Variants in EPHA6 observed in about 807,000 individuals in gnomAD.
The protein encoded by EPHA6 is EPH receptor A6.
A neutral mutation model predicts 112.0 loss-of-function variants in EPHA6; 50 were observed. That is an observed-to-expected ratio of 0.45 (90% confidence interval 0.36 to 0.56). The LOEUF (loss-of-function observed/expected upper bound fraction) is 0.56. Ranked by LOEUF, EPHA6 falls within the 20% of genes least tolerant of loss-of-function variation. The probability of loss-of-function intolerance (pLI) is 0.00; values close to 1 mark genes in which losing one functional copy is unlikely to be tolerated. For synonymous variants in EPHA6, 529 were observed against 490.7 expected (o/e 1.08, Z -1.03); for missense variants, 1,280 against 1,417.4 (o/e 0.90, Z 1.56).
chr3:97,618,814 G>A (rs1221368891), intron 13 of EPHA6, among the ~76,000 whole-genome samples: 1 of 151,998 alleles, frequency 6.6e-6, no homozygotes, highest in Non-Finnish European at 1.5e-5. Context: ...TGGATTCACA[G>A]CTGAATTCTA....
At chr3:96,969,930 A>C (rs2107779544) in intron 2 of EPHA6, among the ~76,000 whole-genome samples, 1 of 152,160 alleles carries the variant, frequency 6.6e-6, no homozygotes, top group African/African-American at 2.4e-5. Flanking sequence ...TCCAGTTTGA[A>C]TATTCATTTC....
Position 97,735,829 on chromosome 3 carries a change from C to T in EPHA6, c.2935-96C>T, listed in dbSNP as rs1468848495. 1.2e-5 allele frequency: 10 copies of T among 828,684 alleles called. No individual in the cohort carries two copies. The African/African-American group carries it at 1.2e-4, about 10-fold the overall frequency. 51.3% of individuals were successfully genotyped at this position (828,684 alleles called of 1,614,324 possible). On this transcript the variant is annotated intron_variant, in intron 15 of 17. Coordinates refer to ENST00000389672, the MANE Select transcript of EPHA6 (RefSeq NM_001080448.3). ...ACTCACAAGTAGTTTTCATGCTTAC[C>T]ATTATTTTGGCTTCTTCTGCTTGTA...
At chr3:97,095,343 C>A (rs1352932966) in intron 3 of EPHA6, among the ~76,000 whole-genome samples, 3 of 151,830 alleles carry the variant, frequency 2.0e-5, no homozygotes, top group African/African-American at 7.2e-5. Flanking sequence ...AGGAGATATA[C>A]CTAATGTAAA....
At chr3:97,003,726 G>T (rs1295170792) in intron 3 of EPHA6, among the ~76,000 whole-genome samples, 1 of 151,926 alleles carries the variant, frequency 6.6e-6, no homozygotes, top group African/African-American at 2.4e-5. Context: ...TGTTACATAG[G>T]TATATTTGTG....
At chr3:96,905,109 C>T (rs2038861152) in intron 2 of EPHA6, among the ~76,000 whole-genome samples, 1 of 151,940 alleles carries the variant, frequency 6.6e-6, no homozygotes, top group African/African-American at 2.4e-5. Context: ...TGTTAATTGC[C>T]TAGTTATTTA....
At chr3:96,829,874 TA>T (rs2033907917) in intron 1 of EPHA6, among the ~76,000 whole-genome samples, 1 of 151,972 alleles carries the variant, frequency 6.6e-6, no homozygotes, top group African/African-American at 2.4e-5. Flanking sequence ...GTAGTTCTTA[TA>T]AACTTTCAGG....
chr3:96,932,983 G>A (rs984537410), intron 2 of EPHA6, among the ~76,000 whole-genome samples: 1 of 152,122 alleles, frequency 6.6e-6, no homozygotes, highest in Non-Finnish European at 1.5e-5. Context: ...TACAGGAGTG[G>A]TACAGGGTGC....
chr3:96,856,255 A>T (rs1292642691), intron 1 of EPHA6, among the ~76,000 whole-genome samples: 1 of 151,906 alleles, frequency 6.6e-6, no homozygotes, highest in Non-Finnish European at 1.5e-5. Context: ...TAAAAAAAAA[A>T]ATGGGCAGTT....
intron 16 of EPHA6, among the ~76,000 whole-genome samples, chr3:97,747,183 G>C (rs975707033): frequency 6.6e-6 from 1 of 151,846 alleles, no homozygotes; most frequent in Admixed American, 6.6e-5. Flanking sequence ...ATCAATGTAA[G>C]TCCCAGTCAT....
At chr3:97,029,656 T>A (rs1037891903) in intron 3 of EPHA6, among the ~76,000 whole-genome samples, 1 of 152,110 alleles carries the variant, frequency 6.6e-6, no homozygotes, top group African/African-American at 2.4e-5. Flanking sequence ...ATTTTGTAAC[T>A]CTGTTGTGGT....
At chr3:96,856,444 T>C (rs72931401) in intron 1 of EPHA6, among the ~76,000 whole-genome samples, 2,009 of 152,254 alleles carry the variant, frequency 0.013, 45 homozygotes, top group African/African-American at 0.044. Flanking sequence ...TATTGGTTTA[T>C]AAATCAAGTG....
intron 2 of EPHA6, among the ~76,000 whole-genome samples, chr3:96,953,163 C>T (rs1175611174): frequency 6.6e-6 from 1 of 151,876 alleles, no homozygotes; most frequent in African/African-American, 2.4e-5. Flanking sequence ...GTATAGTATG[C>T]TAACCAAGGA....
chr3:97,616,216 T>C (rs1038417373), intron 13 of EPHA6, among the ~76,000 whole-genome samples: 23 of 151,966 alleles, frequency 1.5e-4, no homozygotes, highest in Non-Finnish European at 3.2e-4. Flanking sequence ...CAGAAAATTA[T>C]AGCAGCCCTA....
chr3:97,017,889 T>C (rs531834096), intron 3 of EPHA6, among the ~76,000 whole-genome samples: 1 of 152,092 alleles, frequency 6.6e-6, no homozygotes, highest in African/African-American at 2.4e-5. Context: ...TGCCTATCTT[T>C]TTCTCTACCT....
chr3:97,399,113 C>T (rs2086846251), intron 5 of EPHA6, among the ~76,000 whole-genome samples: 1 of 151,474 alleles, frequency 6.6e-6, no homozygotes, highest in Admixed American at 6.6e-5. Context: ...CCCTCCCCTT[C>T]CAAGTCTCTA....
At chr3:96,925,774 T>G (rs2040004692) in intron 2 of EPHA6, among the ~76,000 whole-genome samples, 1 of 152,052 alleles carries the variant, frequency 6.6e-6, no homozygotes, top group Non-Finnish European at 1.5e-5. Context: ...CCTGGCTAAT[T>G]TTTGTAATTT....
intron 2 of EPHA6, among the ~76,000 whole-genome samples, chr3:96,892,080 TA>T (rs1475920353): frequency 6.6e-6 from 1 of 152,200 alleles, no homozygotes; most frequent in African/African-American, 2.4e-5. Context: ...AAAAGCTTGG[TA>T]GGCTTTGGTC....
intron 14 of EPHA6, among the ~76,000 whole-genome samples, chr3:97,700,764 A>C (rs2033335528): frequency 6.6e-6 from 1 of 152,232 alleles, no homozygotes; most frequent in African/African-American, 2.4e-5. Context: ...CTTTGATATT[A>C]CAAAATATTC....
At chr3:97,151,390 TA>T (rs1376020578) in intron 3 of EPHA6, among the ~76,000 whole-genome samples, 1 of 152,066 alleles carries the variant, frequency 6.6e-6, no homozygotes, top group Non-Finnish European at 1.5e-5. Flanking sequence ...ATGTTTTGCA[TA>T]ATTTTTGTGT....
Sources: allele counts gnomAD v4.1 joint callset (sites outside exome capture counted in the v4.1 genomes callset), GRCh38; gene constraint gnomAD v4.1.1; transcripts MANE v1.5; gene names NCBI Gene and HGNC (gene_info 2026-07-23, HGNC 2026-07-21).